The following XXYLT1 variants were observed in gnomAD, a reference collection of about 807,000 sequenced individuals.
XXYLT1 encodes the protein UDP-xylose:alpha-xyloside alpha-1,3-xylosyltransferase.
XXYLT1 carries 20 observed loss-of-function variants against 28.9 expected under a neutral mutation model. That is an observed-to-expected ratio of 0.69 (90% CI 0.49 to 1.00). The LOEUF (loss-of-function observed/expected upper bound fraction) is 1.00, where lower values mean the gene tolerates loss of function less well. Ranked by LOEUF, XXYLT1 falls within the 50% of genes least tolerant of loss-of-function variation. The pLI is 0.00. For synonymous variants in XXYLT1, 257 were observed against 253.8 expected, an observed-to-expected ratio of 1.01 and a Z score of -0.12; for missense variants, 542 against 560.1, an observed-to-expected ratio of 0.97 and a Z score of 0.33.
intron 3 of XXYLT1, among the ~76,000 whole-genome samples, chr3:195,102,030 A>G (rs1279194097): frequency 7.6e-6 from 1 of 132,138 alleles, no homozygotes; most frequent in Admixed American, 7.6e-5. Flanking sequence ...AAAAAAAGGA[A>G]GAGAGAAAGA....
chr3:195,143,871 G>GATATATATAT (rs1334344433), intron 3 of XXYLT1, among the ~76,000 whole-genome samples: 2 of 81,722 alleles, frequency 2.4e-5, no homozygotes, highest in African/African-American at 9.8e-5. Flanking sequence ...TATAGATATA[G>GATATATATAT]ATATATATAT....
rs2108865540 is a variant in XXYLT1, at chr3:195,271,128, G to GCCACTTAGCCCCGGCGC, written c.-87_-71dup. ...GCCCTCGGGTACCCGGACGCCGGCG[G>GCCACTTAGCCCCGGCGC]CCACTTAGCCCCGGCGCCAGGCGGC... is the stretch of plus-strand genomic sequence containing the variant. On this transcript the variant is annotated 5_prime_UTR_variant, in exon 1 of 4. Transcript: ENST00000310380. 6.3e-6 allele frequency: 8 copies of GCCACTTAGCCCCGGCGC among 1,270,978 alleles called. No individual in the cohort carries two copies. Among genetic ancestry groups the GCCACTTAGCCCCGGCGC allele is most frequent in the Non-Finnish European group, 7.9e-6 (8 of 1,010,966 alleles). The allele number at this position is 1,270,978 out of a possible 1,614,324, so 78.7% of individuals were successfully genotyped here. A position where few individuals can be genotyped will look rare whatever the true frequency, so the allele number is the denominator to read the frequency against.
At chr3:195,126,255 C>G (rs1006611118) in intron 3 of XXYLT1, among the ~76,000 whole-genome samples, 1 of 152,154 alleles carries the variant, frequency 6.6e-6, no homozygotes, top group Non-Finnish European at 1.5e-5. Context: ...CCCAGGCCTG[C>G]GGAAACCACA....
chr3:195,236,039 G>C (rs1724532653), intron 1 of XXYLT1, among the ~76,000 whole-genome samples: 1 of 152,182 alleles, frequency 6.6e-6, no homozygotes, highest in African/African-American at 2.4e-5. Context: ...CACTTGGTCA[G>C]ATCTGAAGCC....
intron 1 of XXYLT1, among the ~76,000 whole-genome samples, chr3:195,238,052 T>A (rs1290772851): frequency 6.6e-6 from 1 of 152,150 alleles, no homozygotes; most frequent in East Asian, 1.9e-4. Flanking sequence ...CTCCCTGGCT[T>A]CAAGACCTCC....
intron 2 of XXYLT1, among the ~76,000 whole-genome samples, chr3:195,218,138 C>G (rs200733754): frequency 2.1e-3 from 300 of 145,668 alleles, no homozygotes; most frequent in African/African-American, 5.9e-3. Flanking sequence ...TGGATCCCTT[C>G]CTTACACCTT....
intron 3 of XXYLT1, among the ~76,000 whole-genome samples, chr3:195,110,668 GGTGTA>G (rs1717616024): frequency 1.2e-5 from 1 of 80,038 alleles, no homozygotes; most frequent in Non-Finnish European, 3.0e-5. Flanking sequence ...TGTTGTGTGT[GGTGTA>G]TGTGTGTGTG....
At chr3:195,197,956 G>A (rs896804156) in intron 2 of XXYLT1, among the ~76,000 whole-genome samples, 1 of 152,202 alleles carries the variant, frequency 6.6e-6, no homozygotes, top group Non-Finnish European at 1.5e-5. Flanking sequence ...GCACGAGCTG[G>A]AGAGACAAGC....
intron 3 of XXYLT1, among the ~76,000 whole-genome samples, chr3:195,119,787 T>A (rs968220486): frequency 3.9e-5 from 6 of 152,256 alleles, no homozygotes; most frequent in Non-Finnish European, 7.3e-5. Context: ...TGTGTTTTCC[T>A]AGCTGTTTGT....
intron 1 of XXYLT1, among the ~76,000 whole-genome samples, chr3:195,261,115 G>T (rs115705380): frequency 1.5e-3 from 229 of 152,352 alleles, no homozygotes; most frequent in African/African-American, 5.3e-3. Context: ...CTCAAGTGAG[G>T]CGTCTGCACT....
chr3:195,189,053 G>C (rs531905532), intron 2 of XXYLT1, among the ~76,000 whole-genome samples: 62 of 152,120 alleles, frequency 4.1e-4, no homozygotes, highest in Admixed American at 3.1e-3. Flanking sequence ...CTATGTGCCA[G>C]TCCCTACACT....
In XXYLT1 at chr3:195,211,474, C is replaced by T. The variant is rs555327861; in HGVS notation, c.652+15235G>A. ...TAAAATAAAGTAGTTCAAGATAACACCTAACAAAACGGTATTCATTTAATT... is the reference window on the plus strand; with the variant it reads ...TAAAATAAAGTAGTTCAAGATAACATCTAACAAAACGGTATTCATTTAATT... On this transcript the variant is annotated intron_variant, in intron 2 of 3. Transcript: ENST00000310380. Among the ~76,000 whole-genome samples, 22 of 152,298 alleles carry T rather than the reference C, an allele frequency of 1.4e-4. 1 individual carries two copies. In the South Asian group the frequency reaches 4.4e-3, roughly 30 times the overall value.
chr3:195,222,833 A>T (rs1010531680), intron 2 of XXYLT1, among the ~76,000 whole-genome samples: 2 of 152,194 alleles, frequency 1.3e-5, no homozygotes, highest in Admixed American at 6.5e-5. Context: ...ATCTTCATCT[A>T]TAAAAAAAGA....
intron 3 of XXYLT1, among the ~76,000 whole-genome samples, chr3:195,125,086 T>C (rs1236618143): frequency 6.6e-6 from 1 of 151,552 alleles, no homozygotes; most frequent in African/African-American, 2.4e-5. Context: ...AAGAAGCTGA[T>C]AGAAAAAAGA....
At chr3:195,118,722 T>C (rs1718177485) in intron 3 of XXYLT1, among the ~76,000 whole-genome samples, 1 of 152,088 alleles carries the variant, frequency 6.6e-6, no homozygotes, top group Admixed American at 6.5e-5. Context: ...ATGCAAAACC[T>C]ACCAACCCAG....
At chr3:195,087,858 A>T (rs9827336) in intron 3 of XXYLT1, among the ~76,000 whole-genome samples, 68,300 of 150,562 alleles carry the variant, frequency 0.45, 17,454 homozygotes, top group East Asian at 0.95. Flanking sequence ...GGCGAGGCAA[A>T]GCCTCACTTG....
rs34021174 is a variant in XXYLT1, at chr3:195,210,572, A to ATTAC, written c.652+16133_652+16136dup. Among the ~76,000 whole-genome samples the ATTAC allele has an allele frequency of 0.082, 12,449 of 152,264 alleles. 840 individuals carry two copies. Among genetic ancestry groups the ATTAC allele is most frequent in the African/African-American group, 0.18 (7,569 of 41,512 alleles). On this transcript the variant is annotated intron_variant, in intron 2 of 3. Coordinates refer to ENST00000310380, the MANE Select transcript of XXYLT1 (RefSeq NM_152531.5). This position sits in a 1 kb window ranked among gnomAD's most constrained non-coding sequence, Gnocchi z 4.8. ...AATGAAGGGGACCAAAACGGGAAATATTACTGTTCAACCAATTTGGCAACT... is the reference window on the plus strand; with the variant it reads ...AATGAAGGGGACCAAAACGGGAAATATTACTTACTGTTCAACCAATTTGGCAACT...
chr3:195,241,564 G>A (rs548641769), intron 1 of XXYLT1, among the ~76,000 whole-genome samples: 41 of 152,218 alleles, frequency 2.7e-4, no homozygotes, highest in African/African-American at 8.7e-4. Context: ...ATGTGAAGGC[G>A]CATTTCCAGA....
At chr3:195,172,543 A>G (rs1356170677) in intron 2 of XXYLT1, among the ~76,000 whole-genome samples, 1 of 152,200 alleles carries the variant, frequency 6.6e-6, no homozygotes, top group Admixed American at 6.5e-5. Flanking sequence ...CAATCATTCA[A>G]CGAATATTTA....
Sources: allele counts gnomAD v4.1 joint callset (sites outside exome capture counted in the v4.1 genomes callset), GRCh38; gene constraint gnomAD v4.1.1; non-coding constraint Gnocchi (gnomAD v3.1); transcripts MANE v1.5; gene names NCBI Gene and HGNC (gene_info 2026-07-23, HGNC 2026-07-21).